RSPO2: variants seen among roughly 807,000 people sequenced by gnomAD.
RSPO2 encodes R-spondin-2.
A neutral mutation model predicts 30.9 loss-of-function variants in RSPO2; 14 were observed. The ratio of observed to expected loss-of-function variants is 0.45; its 90% confidence interval spans 0.30 to 0.71. RSPO2 has a LOEUF of 0.71. RSPO2 is among the 30% of genes least tolerant of loss of function. The pLI is 0.08. For synonymous variants in RSPO2, 107 were observed against 96.4 expected, an observed-to-expected ratio of 1.11 and a Z score of -0.64; for missense variants, 264 against 301.9, an observed-to-expected ratio of 0.87 and a Z score of 0.93.
chr8:108,072,685 G>C (rs1812896890), intron 2 of RSPO2, among the ~76,000 whole-genome samples: 1 of 151,576 alleles, frequency 6.6e-6, no homozygotes, highest in Non-Finnish European at 1.5e-5. Context: ...TTACACAAGG[G>C]GGAATAAGAA....
intron 5 of RSPO2, among the ~76,000 whole-genome samples, chr8:107,932,594 A>G (rs1183515006): frequency 6.6e-6 from 1 of 152,210 alleles, no homozygotes; most frequent in Non-Finnish European, 1.5e-5. Flanking sequence ...TTGGAAAAGA[A>G]GAGCTAAGGC....
intron 2 of RSPO2, among the ~76,000 whole-genome samples, chr8:108,009,596 C>A (rs754725879): frequency 5.3e-5 from 8 of 152,126 alleles, no homozygotes; most frequent in African/African-American, 1.9e-4. Context: ...ATTTTTAGCT[C>A]TTAGCTTTTT....
intron 4 of RSPO2, among the ~76,000 whole-genome samples, chr8:107,959,345 T>A (rs1408668304): frequency 6.6e-6 from 1 of 152,194 alleles, no homozygotes; most frequent in African/African-American, 2.4e-5. Context: ...ATCTCCTATG[T>A]TAAGTCCACA....
intron 2 of RSPO2, among the ~76,000 whole-genome samples, chr8:108,043,453 G>GT (rs1811815084): frequency 1.3e-5 from 2 of 152,092 alleles, no homozygotes; most frequent in African/African-American, 4.8e-5. Flanking sequence ...CTCTAACAGT[G>GT]TCAAAGAAGT....
chr8:107,906,694 G>A (rs1811659406), intron 5 of RSPO2, among the ~76,000 whole-genome samples: 1 of 151,950 alleles, frequency 6.6e-6, no homozygotes, highest in African/African-American at 2.4e-5. Flanking sequence ...CAAATATGAT[G>A]AGCAGGACTG....
At chr8:107,992,188 C>CACACACACACAT (rs1814869910) in intron 2 of RSPO2, among the ~76,000 whole-genome samples, 1 of 151,542 alleles carries the variant, frequency 6.6e-6, no homozygotes, top group African/African-American at 2.4e-5. Context: ...CACACACACA[C>CACACACACACAT]ACACACACAC....
chr8:107,978,883 C>G (rs76314520), intron 3 of RSPO2, among the ~76,000 whole-genome samples: 114,505 of 150,422 alleles, frequency 0.76, 43,629 homozygotes, highest in East Asian at 0.92. Flanking sequence ...TATGAACAGA[C>G]ACTTCTCAAA....
At chr8:107,924,007 G>A (rs2050771565) in intron 5 of RSPO2, among the ~76,000 whole-genome samples, 1 of 151,770 alleles carries the variant, frequency 6.6e-6, no homozygotes. Flanking sequence ...TAAGTGCCTG[G>A]GTGATTAAAT....
At chr8:108,014,155 G>A (rs972604865) in intron 2 of RSPO2, among the ~76,000 whole-genome samples, 12 of 152,124 alleles carry the variant, frequency 7.9e-5, no homozygotes, top group East Asian at 5.8e-4. Context: ...ACCATCTCAC[G>A]CCAGTTAGAA....
intron 5 of RSPO2, among the ~76,000 whole-genome samples, chr8:107,945,241 CTTTTTT>C (rs754722790): frequency 0.011 from 860 of 74,848 alleles, 5 homozygotes; most frequent in African/African-American, 0.044. Context: ...ATTCTTTTAC[CTTTTTT>C]TTTTTTTTTT....
chr8:107,947,257 T>C (rs562345216), intron 5 of RSPO2, among the ~76,000 whole-genome samples: 4 of 152,320 alleles, frequency 2.6e-5, no homozygotes, highest in African/African-American at 9.6e-5. Context: ...ACTTTAAATT[T>C]TCAGAGTACT....
intron 5 of RSPO2, among the ~76,000 whole-genome samples, chr8:107,931,978 T>C (rs1028643946): frequency 1.3e-5 from 2 of 152,190 alleles, no homozygotes; most frequent in Non-Finnish European, 2.9e-5. Context: ...GTGACTACCA[T>C]AATAGAATAA....
chr8:107,989,726 C>G (rs934119491), intron 2 of RSPO2, among the ~76,000 whole-genome samples: 2 of 152,098 alleles, frequency 1.3e-5, no homozygotes, highest in Non-Finnish European at 2.9e-5. Flanking sequence ...ATCAGAACAC[C>G]AAGTCCACAA....
At chr8:107,914,302 A>G (rs1811910733) in intron 5 of RSPO2, among the ~76,000 whole-genome samples, 1 of 152,098 alleles carries the variant, frequency 6.6e-6, no homozygotes, top group African/African-American at 2.4e-5. Flanking sequence ...CTGAATATTT[A>G]CTGTGCTCAA....
chr8:107,911,130 A>G (rs1262354571), intron 5 of RSPO2, among the ~76,000 whole-genome samples: 1 of 152,170 alleles, frequency 6.6e-6, no homozygotes, highest in Admixed American at 6.5e-5. Flanking sequence ...TTCTGGCCTC[A>G]ACTTCAGCTT....
chr8:107,998,488 T>A (rs1706321459), intron 2 of RSPO2, among the ~76,000 whole-genome samples: 2 of 152,158 alleles, frequency 1.3e-5, no homozygotes, highest in African/African-American at 4.8e-5. Context: ...AAATTATAAA[T>A]ATTTAAATAT....
chr8:107,913,895 A>T (rs1811899268), intron 5 of RSPO2, among the ~76,000 whole-genome samples: 2 of 152,160 alleles, frequency 1.3e-5, no homozygotes, highest in Non-Finnish European at 2.9e-5. Flanking sequence ...ATCTGTAATA[A>T]GTTTTCCAAG....
At chr8:107,930,355 G>A (rs1239466167) in intron 5 of RSPO2, among the ~76,000 whole-genome samples, 1 of 152,112 alleles carries the variant, frequency 6.6e-6, no homozygotes, top group South Asian at 2.1e-4. Context: ...AAGTAGAAAT[G>A]GAATATAGGG....
chr8:108,004,600 C>CA (rs1342815690), intron 2 of RSPO2, among the ~76,000 whole-genome samples: 1 of 152,178 alleles, frequency 6.6e-6, no homozygotes, highest in Non-Finnish European at 1.5e-5. Context: ...AAGCCAAAAG[C>CA]AACCTGCATC....
Sources: gnomAD v4.1 joint callset for allele counts (sites outside exome capture counted in the v4.1 genomes callset) on GRCh38, gnomAD v4.1.1 for gene constraint, MANE v1.5 for transcripts, NCBI Gene and HGNC (gene_info 2026-07-23, HGNC 2026-07-21) for gene names.